The following XPNPEP1 variants were observed in gnomAD, a reference collection of about 807,000 sequenced individuals.
The protein encoded by XPNPEP1 is X-prolyl aminopeptidase 1, also known as xaa-Pro aminopeptidase 1.
In XPNPEP1, 39 loss-of-function variants were observed where a neutral mutation model predicts 92.4. The ratio of observed to expected loss-of-function variants is 0.42; its 90% CI spans 0.33 to 0.55. The LOEUF (loss-of-function observed/expected upper bound fraction) is 0.55. XPNPEP1 is among the 20% of genes least tolerant of loss of function. The probability of loss-of-function intolerance (pLI) is 0.08; values close to 1 mark genes in which losing one functional copy is unlikely to be tolerated. For missense variants in XPNPEP1, 654 were observed against 856.1 expected, an observed-to-expected ratio of 0.76 and a Z score of 2.95; for synonymous variants, 307 against 299.4, an observed-to-expected ratio of 1.03 and a Z score of -0.26.
chr10:109,907,940 T>A, intron 2 of XPNPEP1, 125 bp from the exon 3 acceptor site: 3 of 1,408,698 alleles, frequency 2.1e-6, no homozygotes, highest in Non-Finnish European at 2.9e-6. Flanking sequence ...GGTCTTCAAA[T>A]TGATCACTCC....
rs1452704880 is a variant in XPNPEP1 at position 109,865,443 on chromosome 10, CCTTA to C, written c.1873-135_1873-132del. On this transcript the variant is annotated intron_variant, in intron 20 of 20. Coordinates refer to ENST00000502935, the MANE Select transcript of XPNPEP1 (RefSeq NM_020383.4). ...AGAAAAGGTGTGCAACACCCTTTCT[CCTTA>C]CTCACAGGTAAGTATTTTCCTTGTG... The C allele has an allele frequency of 4.2e-6, 5 of 1,195,308 alleles. No individual in the cohort carries two copies. In the Admixed American group the frequency reaches 1.1e-4, roughly 26 times the overall value. The allele number at this position is 1,195,308 out of a possible 1,614,324, so 74.0% of individuals were successfully genotyped here. A position where few individuals can be genotyped will look rare whatever the true frequency, so the allele number is the denominator to read the frequency against.
intron 15 of XPNPEP1, among the ~76,000 whole-genome samples, chr10:109,874,051 G>A (rs902901234): frequency 3.3e-5 from 5 of 152,154 alleles, no homozygotes; most frequent in African/African-American, 1.2e-4. Context: ...AAAATTGATT[G>A]TGCTGATGGC....
At position 109,873,368 on chromosome 10, in the gene XPNPEP1, T is replaced by C; in HGVS notation, c.1451A>G (p.Lys484Arg). 6.2e-7 allele frequency: 1 copy of C among 1,614,186 alleles called. No homozygotes were observed. The highest frequency in any genetic ancestry group is 8.5e-7 in the Non-Finnish European group (1 of 1,180,016). The change falls in exon 16 of 21, where the codon AAG becomes AGG. Residue 484 changes from lysine (K) to arginine (R), a missense_variant and splice_region_variant. Coordinates refer to ENST00000502935, the MANE Select transcript of XPNPEP1 (RefSeq NM_020383.4). ...TTGAGTTTTTTACCTCCACCTTACC[T>C]TCTCGTAGGCTGTAGGGGTCCCAAA... ...MHFGTPTAYE[K>R]ECFTYVLKGH... is the part of the protein sequence containing the mutation.
At chr10:109,892,929 A>G (rs1234614768) in intron 4 of XPNPEP1, 83 bp downstream of exon 4, 9 of 1,407,784 alleles carry the variant, frequency 6.4e-6, no homozygotes, top group Non-Finnish European at 8.9e-6. Flanking sequence ...TTTTGCTTCT[A>G]TATCACAGGC....
intron 3 of XPNPEP1, among the ~76,000 whole-genome samples, chr10:109,896,691 A>G (rs1286237585): frequency 6.6e-6 from 1 of 152,098 alleles, no homozygotes; most frequent in Non-Finnish European, 1.5e-5. Flanking sequence ...CACTCAGCAC[A>G]GGTGACTAGA....
intron 2 of XPNPEP1, among the ~76,000 whole-genome samples, chr10:109,913,912 T>C (rs1045813504): frequency 1.3e-5 from 2 of 152,216 alleles, no homozygotes; most frequent in Admixed American, 6.5e-5. Context: ...TACTTTCTCT[T>C]TTTCCTCCTT....
intron 3 of XPNPEP1, 117 bp from the exon 4 acceptor site, chr10:109,893,192 C>G (rs954682461): frequency 7.7e-6 from 7 of 908,294 alleles, no homozygotes; most frequent in Non-Finnish European, 1.2e-5. Flanking sequence ...ATCCTTGGCC[C>G]CCGCCCTCAA....
intron 2 of XPNPEP1, among the ~76,000 whole-genome samples, chr10:109,914,500 A>G (rs1318657133): frequency 2.0e-5 from 3 of 151,992 alleles, no homozygotes; most frequent in Non-Finnish European, 4.4e-5. Flanking sequence ...TACTACCTTA[A>G]AAAAAAATGG....
intron 3 of XPNPEP1, among the ~76,000 whole-genome samples, chr10:109,904,437 T>G (rs1420154970): frequency 6.6e-6 from 1 of 151,832 alleles, no homozygotes; most frequent in African/African-American, 2.4e-5. Context: ...GAACAACATA[T>G]AAAGGTATTC....
chr10:109,884,250 G>A, intron 8 of XPNPEP1, 102 bp from the exon 9 acceptor site: 40 of 1,135,388 alleles, frequency 3.5e-5, no homozygotes, highest in Non-Finnish European at 4.9e-5. Flanking sequence ...CAGCTGCTGC[G>A]CAAGGATTCA....
chr10:109,904,187 C>T (rs1007483086), intron 3 of XPNPEP1, among the ~76,000 whole-genome samples: 3 of 149,264 alleles, frequency 2.0e-5, no homozygotes, highest in Admixed American at 6.8e-5. Flanking sequence ...TGAACACAAA[C>T]GAACCTCACC....
rs889577736 is a variant in XPNPEP1 at position 109,909,643 on chromosome 10, C to A, written c.122-1828G>T. 2.6e-4 allele frequency among the ~76,000 whole-genome samples: 39 copies of A among 152,130 alleles called. 1 individual carries two copies. Among genetic ancestry groups the A allele is most frequent in the Admixed American group, 2.6e-3 (39 of 15,272 alleles). On this transcript the variant is annotated intron_variant, in intron 2 of 20. Transcript: ENST00000502935. ...TTCTGATAAACATCATAGCTGTAGTCCTATGTCTACATAACAAAACAACTT... is the reference window on the plus strand; with the variant it reads ...TTCTGATAAACATCATAGCTGTAGTACTATGTCTACATAACAAAACAACTT...
chr10:109,902,634 T>C (rs1316037329), intron 3 of XPNPEP1, among the ~76,000 whole-genome samples: 2 of 152,112 alleles, frequency 1.3e-5, no homozygotes, highest in Non-Finnish European at 2.9e-5. Context: ...GTTAAGATTA[T>C]AAAAGAAAGA....
intron 1 of XPNPEP1, 28 bp downstream of exon 1, chr10:109,923,374 A>G (rs1850670009): frequency 1.4e-6 from 2 of 1,428,740 alleles, no homozygotes; most frequent in South Asian, 1.3e-5. Flanking sequence ...CGCTGCCCGG[A>G]CGCCGGCTGC....
At chr10:109,895,829 C>T (rs1332789255) in intron 3 of XPNPEP1, among the ~76,000 whole-genome samples, 9 of 152,236 alleles carry the variant, frequency 5.9e-5, no homozygotes, top group Admixed American at 5.2e-4. Context: ...CCTGGACTAC[C>T]GCCCCTACAA....
At chr10:109,890,228 C>T (rs1171244987) in intron 5 of XPNPEP1, among the ~76,000 whole-genome samples, 1 of 152,142 alleles carries the variant, frequency 6.6e-6, no homozygotes, top group East Asian at 1.9e-4. Context: ...GCGCCTCTGA[C>T]CCCCAAAATG....
chr10:109,899,603 C>G (rs1344281829), intron 3 of XPNPEP1, among the ~76,000 whole-genome samples: 3 of 152,164 alleles, frequency 2.0e-5, no homozygotes, highest in Non-Finnish European at 4.4e-5. Flanking sequence ...TTAACCCCAC[C>G]CCAAGAGAAA....
intron 10 of XPNPEP1, among the ~76,000 whole-genome samples, chr10:109,881,825 C>T (rs1848116559): frequency 6.6e-6 from 1 of 152,220 alleles, no homozygotes; most frequent in Admixed American, 6.5e-5. Context: ...CTGCTTAGCA[C>T]TGCCCAGCAA....
rs1430652195 is a variant in XPNPEP1, at chr10:109,882,497, A to C, written c.976T>G (p.Ser326Ala). ...CTGACCCACACCTTCTCCCTTGGGG[A>C]GAGGTCAGCACACAGGGCCTTGAGC... Reference protein sequence around the residue: ...SELKALCADLSPREKVWVSDK... With the variant: ...SELKALCADLAPREKVWVSDK... Residue 326 changes from serine to alanine, a missense_variant, in exon 10 of 21, where the codon TCC (serine) becomes GCC (alanine). Coordinates refer to ENST00000502935, the MANE Select transcript of XPNPEP1 (RefSeq NM_020383.4). The C allele has an allele frequency of 6.2e-7, 1 of 1,614,140 alleles. No homozygotes were observed. The highest frequency in any genetic ancestry group is 1.7e-5 in the Admixed American group (1 of 60,020).
Sources: allele counts gnomAD v4.1 joint callset (sites outside exome capture counted in the v4.1 genomes callset), GRCh38; gene constraint gnomAD v4.1.1; transcripts MANE v1.5; gene names NCBI Gene and HGNC (gene_info 2026-07-23, HGNC 2026-07-21).